The following TTC6 variants were observed in gnomAD, a reference collection of about 807,000 sequenced individuals.
TTC6 encodes tetratricopeptide repeat domain 6.
In TTC6, 172 loss-of-function variants were observed where a neutral mutation model predicts 210.4. The ratio of observed to expected loss-of-function variants is 0.82; its 90% CI spans 0.72 to 0.93. The LOEUF is 0.93. Ranked by LOEUF, TTC6 falls within the 40% of genes least tolerant of loss-of-function variation. The probability of loss-of-function intolerance (pLI) is 0.00; values close to 1 mark genes in which losing one functional copy is unlikely to be tolerated. For synonymous variants in TTC6, 804 were observed against 819.6 expected (o/e 0.98, Z 0.32); for missense variants, 2,414 against 2,318.1 (o/e 1.04, Z -0.85).
chr14:37,600,471 C>T (rs1406954143), intron 1 of TTC6, among the ~76,000 whole-genome samples: 1 of 152,030 alleles, frequency 6.6e-6, no homozygotes, highest in Non-Finnish European at 1.5e-5. Context: ...GGCCGGCCAG[C>T]CCCCGCCAAT....
chr14:37,650,715 T>G (rs909579798), intron 1 of TTC6, among the ~76,000 whole-genome samples: 1 of 152,230 alleles, frequency 6.6e-6, no homozygotes, highest in African/African-American at 2.4e-5. Flanking sequence ...AGCTTGCTTT[T>G]TTTTCTTATA....
At chr14:37,612,179 A>G (rs1344477296) in intron 2 of TTC6, among the ~76,000 whole-genome samples, 3 of 152,198 alleles carry the variant, frequency 2.0e-5, no homozygotes, top group African/African-American at 4.8e-5. Context: ...CCTGCAATCA[A>G]TATAACCGAA....
chr14:37,701,867 TA>T (rs1018754374), intron 5 of TTC6, among the ~76,000 whole-genome samples: 1 of 152,158 alleles, frequency 6.6e-6, no homozygotes, highest in Non-Finnish European at 1.5e-5. Flanking sequence ...ATAGACAATT[TA>T]AAAAATCACA....
At chr14:37,769,080 C>T (rs1023091998) in intron 14 of TTC6, among the ~76,000 whole-genome samples, 19 of 151,424 alleles carry the variant, frequency 1.3e-4, no homozygotes, top group South Asian at 1.0e-3. Flanking sequence ...TTGTCTTTGG[C>T]TCTGTTTATA....
intron 13 of TTC6, among the ~76,000 whole-genome samples, chr14:37,752,523 T>TC (rs904885960): frequency 1.6e-4 from 24 of 151,696 alleles, no homozygotes; most frequent in Non-Finnish European, 3.1e-4. Flanking sequence ...TAGGATTTTT[T>TC]TTTTTATTTT....
intron 14 of TTC6, among the ~76,000 whole-genome samples, chr14:37,760,450 G>A (rs947348320): frequency 6.6e-6 from 1 of 152,182 alleles, no homozygotes; most frequent in Non-Finnish European, 1.5e-5. Flanking sequence ...CTGTTGGGAG[G>A]TCTCTCCCAG....
chr14:37,760,708 C>A (rs1320436527), intron 14 of TTC6, among the ~76,000 whole-genome samples: 1 of 152,162 alleles, frequency 6.6e-6, no homozygotes, highest in Non-Finnish European at 1.5e-5. Context: ...TTCAGAGACA[C>A]CCTGCCCAGT....
intron 2 of TTC6, among the ~76,000 whole-genome samples, chr14:37,614,371 C>A: frequency 6.6e-6 from 1 of 152,130 alleles, no homozygotes; most frequent in Middle Eastern, 3.2e-3. Flanking sequence ...AGTTCCTTTA[C>A]CCACACCTAT....
At chr14:37,690,523 A>G (rs544150187) in intron 3 of TTC6, among the ~76,000 whole-genome samples, 1 of 152,310 alleles carries the variant, frequency 6.6e-6, no homozygotes, top group African/African-American at 2.4e-5. Context: ...CTGAAAATAC[A>G]GGGATGGAAA....
intron 1 of TTC6, among the ~76,000 whole-genome samples, chr14:37,650,238 A>G (rs1031425390): frequency 6.6e-6 from 1 of 152,172 alleles, no homozygotes; most frequent in African/African-American, 2.4e-5. Context: ...TCTATGCTCT[A>G]CTGTGATATA....
chr14:37,745,080 A>G (rs907538329), intron 10 of TTC6, among the ~76,000 whole-genome samples: 2 of 152,024 alleles, frequency 1.3e-5, no homozygotes, highest in South Asian at 2.1e-4. Context: ...GTGTGTGTGT[A>G]TATATATATG....
intron 14 of TTC6, among the ~76,000 whole-genome samples, chr14:37,766,974 C>T (rs951464889): frequency 6.6e-6 from 1 of 151,856 alleles, no homozygotes; most frequent in Non-Finnish European, 1.5e-5. Flanking sequence ...ACAGCAGTCC[C>T]CAGTGTGATG....
chr14:37,738,953 A>G (rs962170949), exon 10 of TTC6: 3 of 1,535,548 alleles, frequency 2.0e-6, no homozygotes, highest in Non-Finnish European at 1.7e-6. Context: ...GAAAGAAAGT[A>G]TAGATGACAT....
At chr14:37,718,599 G>A (rs935218515) in intron 6 of TTC6, among the ~76,000 whole-genome samples, 1 of 152,128 alleles carries the variant, frequency 6.6e-6, no homozygotes, top group Non-Finnish European at 1.5e-5. Context: ...ACAGCTGCCC[G>A]TATGTGCAGA....
intron 1 of TTC6, among the ~76,000 whole-genome samples, chr14:37,674,848 A>C (rs919686153): frequency 6.6e-6 from 1 of 152,174 alleles, no homozygotes; most frequent in African/African-American, 2.4e-5. Flanking sequence ...GTTGTCAGTA[A>C]AATATTTTTT....
chr14:37,807,293 C>A, intron 22 of TTC6, 27 bp from the exon 25 acceptor site: 1 of 1,484,688 alleles, frequency 6.7e-7, no homozygotes, highest in Non-Finnish European at 9.0e-7. Context: ...GCATCCATTC[C>A]TGCTTTCTCT....
rs976207418 is a variant in TTC6, at chr14:37,763,852, G to A, written c.3266+10617G>A. ...CTTCCTTCTGCTTGCTTTAGGTTTA[G>A]TTTTCTTTTATTTTTCTTGGCTTAT... On this transcript the variant is annotated intron_variant, in intron 14 of 30. Transcript: ENST00000553443. 2.6e-4 allele frequency among the ~76,000 whole-genome samples: 39 copies of A among 151,104 alleles called. 1 individual carries two copies. Among genetic ancestry groups the A allele is most frequent in the Non-Finnish European group, 1.5e-5 (1 of 67,802 alleles).
intron 1 of TTC6, among the ~76,000 whole-genome samples, chr14:37,649,269 G>C (rs1204408396): frequency 1.3e-5 from 2 of 152,144 alleles, no homozygotes; most frequent in Non-Finnish European, 2.9e-5. Context: ...CCGTAGGGCT[G>C]TTTCTTCTCT....
chr14:37,698,405 T>TAGCTGG (rs2095818686), intron 4 of TTC6, among the ~76,000 whole-genome samples: 1 of 152,166 alleles, frequency 6.6e-6, no homozygotes, highest in African/African-American at 2.4e-5. Context: ...TAAAAATCAG[T>TAGCTGG]AATGTAATCT....
Sources: gnomAD v4.1 joint callset for allele counts (sites outside exome capture counted in the v4.1 genomes callset) on GRCh38, gnomAD v4.1.1 for gene constraint, MANE v1.5 for transcripts, NCBI Gene and HGNC (gene_info 2026-07-23, HGNC 2026-07-21) for gene names.